The following TIAM2 variants were observed in gnomAD, a reference collection of about 807,000 sequenced individuals.
TIAM2 encodes the protein rho guanine nucleotide exchange factor TIAM2.
Under a neutral mutation model 152.9 loss-of-function variants are expected in TIAM2, and 80 were observed. The observed-to-expected ratio is 0.52, with a 90% confidence interval of 0.44 to 0.63. The LOEUF is 0.63. TIAM2 is among the 30% of genes least tolerant of loss of function. The pLI is 0.00. For missense variants in TIAM2, 1,965 were observed against 2,120.1 expected (o/e 0.93, Z 1.44); for synonymous variants, 804 against 838.0 (o/e 0.96, Z 0.70).
chr6:155,245,855 G>A, intron 19 of TIAM2, 124 bp downstream of exon 19: 1 of 566,328 alleles, frequency 1.8e-6, no homozygotes, highest in Non-Finnish European at 2.9e-6. Flanking sequence ...GTCCATCCTT[G>A]ACCTTGACAG....
chr6:155,104,054 ACC>A (rs67334202), intron 2 of TIAM2, among the ~76,000 whole-genome samples: 1,403 of 50,506 alleles, frequency 0.028, 148 homozygotes, highest in African/African-American at 0.076. Context: ...CCCCCCCCAC[ACC>A]CCCACACACC....
At chr6:155,062,794 T>C (rs1377496531) in intron 1 of TIAM2, among the ~76,000 whole-genome samples, 1 of 151,996 alleles carries the variant, frequency 6.6e-6, no homozygotes, top group Non-Finnish European at 1.5e-5. Context: ...AGGCTGGTCT[T>C]GAACTCCTGA....
At chr6:155,177,319 A>C (rs958053393) in intron 10 of TIAM2, among the ~76,000 whole-genome samples, 13 of 152,218 alleles carry the variant, frequency 8.5e-5, no homozygotes, top group Admixed American at 4.6e-4. Flanking sequence ...AAGGCGGCAT[A>C]AACTTTGAGG....
chr6:155,035,430 A>G (rs894428829), intron 1 of TIAM2, among the ~76,000 whole-genome samples: 18 of 152,042 alleles, frequency 1.2e-4, no homozygotes, highest in African/African-American at 4.3e-4. Flanking sequence ...TATGTTGATC[A>G]GGCTGGTCTC....
chr6:155,029,385 T>TA (rs1776743688), intron 1 of TIAM2, among the ~76,000 whole-genome samples: 2 of 93,038 alleles, frequency 2.1e-5, no homozygotes, highest in Non-Finnish European at 4.0e-5. Flanking sequence ...ATATACTATG[T>TA]TATATATATA....
In TIAM2 at chr6:155,257,580, A is replaced by AGAT; in HGVS notation, c.*460_*462dup. On this transcript the variant is annotated 3_prime_UTR_variant, in exon 27 of 27. Transcript: ENST00000682666. ...AATGTGCAGATACTTCATTTTTGTA[A>AGAT]GATAGATTGTAATAGATGCTGTTTA... 4 of 39,662 alleles carry AGAT rather than the reference A, an allele frequency of 1.0e-4. No individual in the cohort carries two copies. Among genetic ancestry groups the AGAT allele is most frequent in the South Asian group, 7.8e-4 (2 of 2,568 alleles). 2.5% of individuals were successfully genotyped at this position (39,662 alleles called of 1,614,324 possible).
Position 155,137,491 on chromosome 6 carries a change from A to G in TIAM2, c.1509A>G (p.Glu503=). 1 of 1,614,186 alleles carries G rather than the reference A, an allele frequency of 6.2e-7. No individual in the cohort carries two copies. Among genetic ancestry groups the G allele is most frequent in the Non-Finnish European group, 8.5e-7 (1 of 1,180,028 alleles). ...AGCTGGATCTGCTCTTTGAGAAGGA[A>G]CAGGGGGTGGTCCGGAAGGCCGGGT... ...LEQLDLLFEK[E]QGVVRKAGWL... Residue 503 remains glutamate (E), a synonymous_variant, in exon 5 of 27, where the codon GAA becomes GAG. Transcript: ENST00000682666.
Position 155,240,536 on chromosome 6 carries a change from G to T in TIAM2, c.3175G>T (p.Glu1059Ter). The T allele has an allele frequency of 6.2e-7, 1 of 1,611,788 alleles. No homozygotes were observed. The highest frequency in any genetic ancestry group is 1.1e-5 in the South Asian group (1 of 91,030). ...EKMEQTFRSA[E>*]QITALCRSFN... Reference sequence around the variant, plus strand: ...ACCTCTTGTCCTCTCTCAGAGTGCTGAGCAGATCACTGCACTGTGCAGGAG... The same window carrying T: ...ACCTCTTGTCCTCTCTCAGAGTGCTTAGCAGATCACTGCACTGTGCAGGAG... The change falls in exon 16 of 27, where the codon GAG (glutamate) becomes TAG (stop). Residue 1059 changes from glutamate to a stop codon, truncating the protein, a stop_gained. Transcript: ENST00000682666. LOFTEE classifies it high-confidence loss of function.
At position 155,248,125 on chromosome 6, in the gene TIAM2, A is replaced by G. The variant is rs758811573; in HGVS notation, c.3778A>G (p.Lys1260Glu). Residue 1260 changes from lysine to glutamate, a missense_variant, in exon 20 of 27, where the codon AAG (lysine) becomes GAG (glutamate). By Grantham distance (56) the Lys-to-Glu change is moderately conservative. Coordinates refer to ENST00000682666, the MANE Select transcript of TIAM2 (RefSeq NM_012454.4). ...QRVLKYPLLL[K>E]ELVSLTDQES... Reference sequence around the variant, plus strand: ...AGTGCTCAAGTACCCGCTGCTGCTCAAGGAGCTGGTGTCCCTGACGGACCA... The same window carrying G: ...AGTGCTCAAGTACCCGCTGCTGCTCGAGGAGCTGGTGTCCCTGACGGACCA... 3.7e-6 allele frequency: 6 copies of G among 1,614,170 alleles called. No homozygotes were observed. The Admixed American group carries it at 1.0e-4, about 27-fold the overall frequency.
intron 14 of TIAM2, among the ~76,000 whole-genome samples, chr6:155,192,136 G>A (rs569078711): frequency 3.9e-5 from 6 of 152,174 alleles, no homozygotes; most frequent in South Asian, 4.2e-4. Context: ...TGACAGCCAC[G>A]AGCCAAGGAA....
At chr6:155,173,660 G>T (rs1780690327) in intron 9 of TIAM2, among the ~76,000 whole-genome samples, 1 of 152,206 alleles carries the variant, frequency 6.6e-6, no homozygotes, top group Admixed American at 6.5e-5. Context: ...GGTGTGTCCT[G>T]GGTGTGGGAC....
At position 155,156,321 on chromosome 6, in the gene TIAM2, A is replaced by T. The variant is rs1291217589; in HGVS notation, c.2028+7987A>T. Among the ~76,000 whole-genome samples, 1 of 152,040 alleles carries T rather than the reference A, an allele frequency of 6.6e-6. No homozygotes were observed. The highest frequency in any genetic ancestry group is 1.5e-5 in the Non-Finnish European group (1 of 68,002). ...AGCCTCCGGTTTCGCCCTTCGTCTG[A>T]TGCATCTTCCATACAACAGCCAGAC... is the stretch of plus-strand genomic sequence containing the variant. On this transcript the variant is annotated intron_variant, in intron 7 of 26. Coordinates refer to ENST00000682666, the MANE Select transcript of TIAM2 (RefSeq NM_012454.4). This position sits in a 1 kb window ranked among gnomAD's most constrained non-coding sequence, Gnocchi z 4.4.
chr6:155,085,138 G>A (rs935260778), intron 1 of TIAM2, among the ~76,000 whole-genome samples: 4 of 152,074 alleles, frequency 2.6e-5, no homozygotes, highest in African/African-American at 9.7e-5. Flanking sequence ...CCCACTTTCT[G>A]TATTGTTTTC....
At chr6:155,200,617 C>G (rs1027311469) in intron 14 of TIAM2, among the ~76,000 whole-genome samples, 1 of 152,164 alleles carries the variant, frequency 6.6e-6, no homozygotes, top group Admixed American at 6.5e-5. Flanking sequence ...AGAAGTCACT[C>G]TTCAAGGCCA....
At chr6:155,017,077 G>A (rs575352983) in intron 1 of TIAM2, among the ~76,000 whole-genome samples, 11 of 152,232 alleles carry the variant, frequency 7.2e-5, no homozygotes, top group Non-Finnish European at 1.3e-4. Context: ...CTCACAGGCA[G>A]GGCTGTGGGA....
chr6:155,104,032 ACACACACACCCCCCCCCCCACACCCC>A (rs1166031270), intron 2 of TIAM2, among the ~76,000 whole-genome samples: 1 of 99,016 alleles, frequency 1.0e-5, no homozygotes, highest in Non-Finnish European at 1.9e-5. Flanking sequence ...TTTACCTCAC[ACACACACACCCCCCCCCCCACACCCC>A]CACACACCCC....
chr6:155,068,134 A>G (rs1268754791), intron 1 of TIAM2, among the ~76,000 whole-genome samples: 1 of 152,154 alleles, frequency 6.6e-6, no homozygotes, highest in Non-Finnish European at 1.5e-5. Context: ...AGTGCTGGGA[A>G]TGTCACTGCC....
chr6:155,247,999 G>T lies in TIAM2; in HGVS notation c.3653-1G>T. The T allele has an allele frequency of 6.2e-7, 1 of 1,613,866 alleles. No homozygotes were observed. Among genetic ancestry groups the T allele is most frequent in the African/African-American group, 1.3e-5 (1 of 75,054 alleles). On this transcript the variant is annotated splice_acceptor_variant, in intron 19 of 26. Coordinates refer to ENST00000682666, the MANE Select transcript of TIAM2 (RefSeq NM_012454.4). LOFTEE classifies it high-confidence loss of function. ...GAGGTCTTTTATCCATCTGCTTGTA[G>T]CTAAAACTGACAAAGCCTTCAAGGC...
chr6:155,200,642 C>T (rs1195816685), intron 14 of TIAM2, among the ~76,000 whole-genome samples: 12 of 152,266 alleles, frequency 7.9e-5, no homozygotes, highest in South Asian at 2.1e-4. Context: ...CAGTCCCTCA[C>T]GCCTGTAATC....
Sources: allele counts gnomAD v4.1 joint callset (sites outside exome capture counted in the v4.1 genomes callset), GRCh38; gene constraint gnomAD v4.1.1; non-coding constraint Gnocchi (gnomAD v3.1); transcripts MANE v1.5; gene names NCBI Gene and HGNC (gene_info 2026-07-23, HGNC 2026-07-21).